The following ANKRD26 variants were observed in gnomAD, a reference collection of about 807,000 sequenced individuals.
The protein encoded by ANKRD26 is ankyrin repeat domain 26.
A neutral mutation model predicts 208.7 loss-of-function variants in ANKRD26; 141 were observed. The observed-to-expected ratio is 0.68, with a 90% CI of 0.59 to 0.78. The LOEUF (loss-of-function observed/expected upper bound fraction) is 0.78, where lower values mean the gene tolerates loss of function less well. ANKRD26 is among the 30% of genes least tolerant of loss of function. ANKRD26 has a pLI of 0.00. For synonymous variants in ANKRD26, 636 were observed against 660.4 expected, an observed-to-expected ratio of 0.96 and a Z score of 0.57; for missense variants, 1,889 against 1,938.7, an observed-to-expected ratio of 0.97 and a Z score of 0.48.
At position 27,065,732 on chromosome 10, in the gene ANKRD26, C is replaced by CAAA. The variant is rs67274022; in HGVS notation, c.1269+752_1269+754dup. ...TTTCAAGTTCTAAGTTGTCAAAAAA[C>CAAA]AAAAAAAAAAAACAAAAAAAACTAC... On this transcript the variant is annotated intron_variant, in intron 11 of 33. Coordinates refer to ENST00000376087, the MANE Select transcript of ANKRD26 (RefSeq NM_014915.3). 2.2e-4 allele frequency among the ~76,000 whole-genome samples: 30 copies of CAAA among 137,354 alleles called. 2 individuals carry two copies. The East Asian group carries it at 4.3e-3, about 20-fold the overall frequency. 90.1% of individuals were successfully genotyped at this position (137,354 alleles called of 152,430 possible).
intron 11 of ANKRD26, 34 bp downstream of exon 11, chr10:27,066,453 A>G: frequency 6.6e-7 from 1 of 1,506,484 alleles, no homozygotes; most frequent in Non-Finnish European, 9.1e-7. Context: ...CAATGCTTAT[A>G]TTTTAAAATA....
chr10:26,998,707 C>T (rs887975681), intron 4 of ANKRD26, among the ~76,000 whole-genome samples: 40 of 152,208 alleles, frequency 2.6e-4, no homozygotes, highest in Non-Finnish European at 8.8e-5. Context: ...GTTTTCAAAC[C>T]AGGGCAATCA....
chr10:26,988,879 C>A (rs80254023), downstream of ANKRD26, among the ~76,000 whole-genome samples: 56 of 137,276 alleles, frequency 4.1e-4, no homozygotes, highest in Admixed American at 4.4e-4. Context: ...GACCTCTTCT[C>A]AAAAAAAAAA....
intron 3 of ANKRD26, among the ~76,000 whole-genome samples, chr10:26,983,807 T>C (rs1305089156): frequency 1.3e-5 from 2 of 152,200 alleles, no homozygotes; most frequent in Non-Finnish European, 2.9e-5. Context: ...GTCTTTTCAA[T>C]GGGCTAATGA....
intron 18 of ANKRD26, among the ~76,000 whole-genome samples, chr10:27,044,919 G>T (rs1286268164): frequency 6.6e-6 from 1 of 152,050 alleles, no homozygotes; most frequent in East Asian, 1.9e-4. Flanking sequence ...GTTTTTAAGT[G>T]ATATGATAGC....
chr10:26,992,266 A>AT (rs1255879552), intron 5 of ANKRD26, among the ~76,000 whole-genome samples: 6 of 151,846 alleles, frequency 4.0e-5, no homozygotes, highest in African/African-American at 7.3e-5. Context: ...TTTTCCTCCC[A>AT]TTTTTTCTTT....
At chr10:27,036,134 T>C (rs528128265) in intron 23 of ANKRD26, among the ~76,000 whole-genome samples, 13 of 152,258 alleles carry the variant, frequency 8.5e-5, no homozygotes, top group Admixed American at 2.6e-4. Context: ...AGTAAGAGCC[T>C]TGGCTCTACA....
At chr10:27,000,200 C>T (rs1023664771), downstream of ANKRD26, among the ~76,000 whole-genome samples, 10 of 152,098 alleles carry the variant, frequency 6.6e-5, no homozygotes, top group Non-Finnish European at 1.0e-4. Context: ...AACTCCTGAC[C>T]CACAGAAACC....
chr10:27,050,981 C>G, intron 16 of ANKRD26: 1 of 1,072,594 alleles, frequency 9.3e-7, no homozygotes, highest in Non-Finnish European at 1.2e-6. Context: ...TACATGAGCT[C>G]TTCATAAGCA....
intron 15 of ANKRD26, among the ~76,000 whole-genome samples, chr10:27,054,517 G>A (rs117446907): frequency 0.021 from 3,265 of 152,158 alleles, 44 homozygotes; most frequent in Middle Eastern, 0.037. Flanking sequence ...CCCGGGAGGC[G>A]GAGGTTGCGG....
chr10:27,044,190 C>T lies in ANKRD26; in HGVS notation c.1986G>A (p.Arg662=), dbSNP rs778190538. 5.7e-6 allele frequency: 8 copies of T among 1,415,910 alleles called. No homozygotes were observed. Among genetic ancestry groups the T allele is most frequent in the Non-Finnish European group, 7.7e-6 (8 of 1,044,380 alleles). The allele number at this position is 1,415,910 out of a possible 1,614,324, so 87.7% of individuals were successfully genotyped here. The part of the protein sequence containing the change: ...SLSEIDEDEG[R]PTKKTSNEKN... Reference sequence around the variant, plus strand: ...TTTCATTAGATGTTTTCTTAGTAGGCCTAAAAAAAAAAAATACCTTTCAGG... The same window carrying T: ...TTTCATTAGATGTTTTCTTAGTAGGTCTAAAAAAAAAAAATACCTTTCAGG... The change falls in exon 19 of 34, where the codon AGG becomes AGA. Residue 662 remains arginine (R), a splice_region_variant and synonymous_variant. Coordinates refer to ENST00000376087, the MANE Select transcript of ANKRD26 (RefSeq NM_014915.3).
chr10:26,965,044 T>C, the ANKRD26 span, among the ~76,000 whole-genome samples: 16 of 152,256 alleles, frequency 1.1e-4, no homozygotes, highest in South Asian at 2.5e-3. Flanking sequence ...ATTGAAAAGC[T>C]TGGGTCAGGG....
chr10:26,995,872 G>C (rs965639298), intron 4 of ANKRD26, among the ~76,000 whole-genome samples: 1 of 152,102 alleles, frequency 6.6e-6, no homozygotes, highest in African/African-American at 2.4e-5. Flanking sequence ...CTGAGTCCTG[G>C]GGAAAAATTG....
At chr10:26,959,501 A>T in the ANKRD26 span, among the ~76,000 whole-genome samples, 4 of 152,226 alleles carry the variant, frequency 2.6e-5, no homozygotes, top group African/African-American at 9.6e-5. Context: ...GACTTTCTAC[A>T]TAAGTAGATA....
chr10:26,977,034 A>AC (rs2052237970), intron 5 of ANKRD26, among the ~76,000 whole-genome samples: 1 of 152,158 alleles, frequency 6.6e-6, no homozygotes, highest in South Asian at 2.1e-4. Context: ...CATTTATCAA[A>AC]CCGTCCCCAC....
At chr10:27,017,243 T>C (rs1589220687) in intron 30 of ANKRD26, among the ~76,000 whole-genome samples, 1 of 152,364 alleles carries the variant, frequency 6.6e-6, no homozygotes, top group East Asian at 1.9e-4. Flanking sequence ...AATACTTTCT[T>C]TTCCTGATGG....
intron 25 of ANKRD26, among the ~76,000 whole-genome samples, chr10:27,032,451 A>C (rs539956669): frequency 6.6e-6 from 1 of 152,288 alleles, no homozygotes; most frequent in East Asian, 1.9e-4. Context: ...CCTGGCCAAC[A>C]TGGCAAAACC....
At chr10:27,015,326 C>A (rs2053253962) in intron 30 of ANKRD26, among the ~76,000 whole-genome samples, 1 of 152,192 alleles carries the variant, frequency 6.6e-6, no homozygotes, top group Non-Finnish European at 1.5e-5. Flanking sequence ...GGATCTCTTA[C>A]AGTAATTCTA....
At chr10:26,982,977 A>G (rs367766040) in intron 3 of ANKRD26, among the ~76,000 whole-genome samples, 3 of 152,218 alleles carry the variant, frequency 2.0e-5, no homozygotes, top group South Asian at 4.1e-4. Flanking sequence ...TATGTCAGTC[A>G]TAAGTCAGGT....
Sources: gnomAD v4.1 joint callset for allele counts (sites outside exome capture counted in the v4.1 genomes callset) on GRCh38, gnomAD v4.1.1 for gene constraint, MANE v1.5 for transcripts, NCBI Gene and HGNC (gene_info 2026-07-23, HGNC 2026-07-21) for gene names.